The following LAPTM4B variants were observed in gnomAD, a reference collection of about 807,000 sequenced individuals.
LAPTM4B encodes lysosomal protein transmembrane 4 beta.
Under a neutral mutation model 28.5 loss-of-function variants are expected in LAPTM4B, and 26 were observed. That is an observed-to-expected ratio of 0.91 (90% CI 0.67 to 1.27). LAPTM4B has a LOEUF of 1.27. Among genes scored for constraint, LAPTM4B ranks in the 50% most tolerant of loss-of-function variants. LAPTM4B has a pLI of 0.00. For synonymous variants in LAPTM4B, 109 were observed against 106.4 expected (o/e 1.02, Z -0.15); for missense variants, 288 against 285.8 (o/e 1.01, Z -0.06).
At chr8:97,842,719 A>G (rs760446578) in intron 6 of LAPTM4B, among the ~76,000 whole-genome samples, 2 of 151,620 alleles carry the variant, frequency 1.3e-5, no homozygotes, top group East Asian at 1.9e-4. Context: ...GAGTTTCACC[A>G]TATTGGCCAG....
At chr8:97,796,263 A>G (rs1816581333) in intron 1 of LAPTM4B, among the ~76,000 whole-genome samples, 1 of 152,136 alleles carries the variant, frequency 6.6e-6, no homozygotes, top group African/African-American at 2.4e-5. Context: ...CAATGAGTGG[A>G]TTATTCATGA....
chr8:97,786,438 T>C (rs1483913482), intron 1 of LAPTM4B, among the ~76,000 whole-genome samples: 2 of 149,796 alleles, frequency 1.3e-5, no homozygotes, highest in Non-Finnish European at 3.0e-5. Context: ...GTGTGGTGGC[T>C]CACGCCTGTA....
intron 6 of LAPTM4B, among the ~76,000 whole-genome samples, chr8:97,832,489 G>GTTAC (rs960618661): frequency 3.0e-4 from 46 of 152,106 alleles, no homozygotes; most frequent in African/African-American, 1.1e-3. Flanking sequence ...TACTGATAAT[G>GTTAC]TTACTATTTT....
intron 6 of LAPTM4B, among the ~76,000 whole-genome samples, chr8:97,834,786 C>T (rs1817237382): frequency 6.6e-6 from 1 of 152,162 alleles, no homozygotes; most frequent in Non-Finnish European, 1.5e-5. Context: ...TCATCTTGTA[C>T]ATTTCTTGCC....
At chr8:97,810,488 A>G (rs1345899706) in intron 2 of LAPTM4B, among the ~76,000 whole-genome samples, 1 of 152,218 alleles carries the variant, frequency 6.6e-6, no homozygotes, top group Non-Finnish European at 1.5e-5. Flanking sequence ...GGTATACGTG[A>G]ATTCTGCTGT....
At chr8:97,817,068 C>T (rs1816929494) in intron 4 of LAPTM4B, among the ~76,000 whole-genome samples, 1 of 152,168 alleles carries the variant, frequency 6.6e-6, no homozygotes, top group South Asian at 2.1e-4. Context: ...GTTAAATGTC[C>T]TTTGTGACCA....
chr8:97,803,563 C>T (rs775288904), intron 1 of LAPTM4B, among the ~76,000 whole-genome samples: 5 of 152,060 alleles, frequency 3.3e-5, no homozygotes, highest in East Asian at 3.9e-4. Flanking sequence ...TGTGAGCCAC[C>T]GTGCCGGGCC....
At chr8:97,788,541 C>T (rs935359660) in intron 1 of LAPTM4B, among the ~76,000 whole-genome samples, 4 of 152,086 alleles carry the variant, frequency 2.6e-5, no homozygotes, top group African/African-American at 7.2e-5. Context: ...TGAGCCACCA[C>T]GCCTGGTCAA....
At chr8:97,787,208 C>A (rs1189958092) in intron 1 of LAPTM4B, among the ~76,000 whole-genome samples, 2 of 151,800 alleles carry the variant, frequency 1.3e-5, no homozygotes, top group Non-Finnish European at 2.9e-5. Flanking sequence ...AAAATGCACA[C>A]ATCACTTTCA....
chr8:97,840,867 G>T (rs1230632709), intron 6 of LAPTM4B, among the ~76,000 whole-genome samples: 1 of 148,946 alleles, frequency 6.7e-6, no homozygotes, highest in Non-Finnish European at 1.5e-5. Context: ...TCACTTCCCA[G>T]ACGGTGGGTA....
rs147125983 is a variant in LAPTM4B at position 97,837,850 on chromosome 8, C to A, written c.603+12697C>A. Among the ~76,000 whole-genome samples the A allele has an allele frequency of 4.3e-3, 654 of 152,250 alleles. 4 individuals are homozygous for A. Among genetic ancestry groups the A allele is most frequent in the African/African-American group, 0.014 (602 of 41,540 alleles). Reference sequence around the variant, plus strand: ...TCATTATTGGCTTTCAAGCTTCTTGCCTACTAAGTTTAGAAGAGAGATCTT... The same window carrying A: ...TCATTATTGGCTTTCAAGCTTCTTGACTACTAAGTTTAGAAGAGAGATCTT... On this transcript the variant is annotated intron_variant, in intron 6 of 6. Transcript: ENST00000521545.
chr8:97,829,096 G>C (rs1817138342), intron 6 of LAPTM4B, among the ~76,000 whole-genome samples: 1 of 152,108 alleles, frequency 6.6e-6, no homozygotes, highest in Non-Finnish European at 1.5e-5. Context: ...TCTGGAAGTG[G>C]GGTCCTGCAC....
At chr8:97,840,013 G>A (rs1817321986) in intron 6 of LAPTM4B, among the ~76,000 whole-genome samples, 1 of 152,144 alleles carries the variant, frequency 6.6e-6, no homozygotes, top group South Asian at 2.1e-4. Context: ...GCAGCAGCTG[G>A]GCATGGTGGG....
At position 97,805,324 on chromosome 8, in the gene LAPTM4B, CTTTTTT is replaced by C. The variant is rs386413439; in HGVS notation, c.100-16_100-11del. 8.9e-5 allele frequency: 75 copies of C among 843,580 alleles called. No homozygotes were observed. The African/African-American group carries it at 1.4e-3, about 16-fold the overall frequency. 52.3% of individuals were successfully genotyped at this position (843,580 alleles called of 1,614,324 possible). On this transcript the variant is annotated intron_variant, in intron 1 of 6. Transcript: ENST00000521545. ...ATTGCATCCTGGGGTTACTTAAATT[CTTTTTT>C]TTTTTTTTTTTTCTTGTTGCAGATC...
At chr8:97,810,139 C>G (rs1329330178) in intron 2 of LAPTM4B, among the ~76,000 whole-genome samples, 1 of 152,082 alleles carries the variant, frequency 6.6e-6, no homozygotes, top group African/African-American at 2.4e-5. Context: ...CCAGGCTGGT[C>G]TCAAACTCCT....
chr8:97,809,684 AG>A (rs1816799248), intron 2 of LAPTM4B, among the ~76,000 whole-genome samples: 1 of 152,184 alleles, frequency 6.6e-6, no homozygotes. Flanking sequence ...TGGGTGACAG[AG>A]CCAGACCCTG....
rs765565138 is a variant in LAPTM4B at position 97,815,788 on chromosome 8, G to A, written c.286-270G>A. Among the ~76,000 whole-genome samples, 31 of 151,800 alleles carry A rather than the reference G, an allele frequency of 2.0e-4. 1 individual carries two copies. Among genetic ancestry groups the A allele is most frequent in the Admixed American group, 1.7e-3 (26 of 15,224 alleles). The stretch of plus-strand genomic sequence containing the variant: ...TCACCATGTTGGGCAGGCTAGTCTC[G>A]AACTCCTGACCTTAAGTGATCCACC... On this transcript the variant is annotated intron_variant, in intron 3 of 6. Coordinates refer to ENST00000521545, the MANE Select transcript of LAPTM4B (RefSeq NM_018407.6).
chr8:97,802,967 G>C (rs576853773), intron 1 of LAPTM4B, among the ~76,000 whole-genome samples: 6 of 151,940 alleles, frequency 3.9e-5, no homozygotes, highest in Non-Finnish European at 8.8e-5. Context: ...TTGGGAGGCC[G>C]AGGCGGGTGG....
At chr8:97,834,142 C>CAAAAAAAAAAAAAAA (rs1817224464) in intron 6 of LAPTM4B, among the ~76,000 whole-genome samples, 1 of 48,176 alleles carries the variant, frequency 2.1e-5, no homozygotes. Flanking sequence ...CCTGTCTCTA[C>CAAAAAAAAAAAAAAA]AGAAAAAAAA....
Sources: allele counts gnomAD v4.1 joint callset (sites outside exome capture counted in the v4.1 genomes callset), GRCh38; gene constraint gnomAD v4.1.1; transcripts MANE v1.5; gene names NCBI Gene and HGNC (gene_info 2026-07-23, HGNC 2026-07-21).